The following OSMR variants were observed in gnomAD, a reference collection of about 807,000 sequenced individuals.
OSMR encodes the protein oncostatin M receptor.
A neutral mutation model predicts 99.9 loss-of-function variants in OSMR; 81 were observed. The ratio of observed to expected loss-of-function variants is 0.81; its 90% confidence interval spans 0.68 to 0.97. OSMR has a LOEUF of 0.97. Among genes scored for constraint, OSMR ranks in the 50% least tolerant of loss-of-function variants. The pLI is 0.00. For missense variants in OSMR, 1,099 were observed against 1,153.4 expected, an observed-to-expected ratio of 0.95 and a Z score of 0.68; for synonymous variants, 406 against 410.4, an observed-to-expected ratio of 0.99 and a Z score of 0.13.
chr5:38,945,275 A>G (rs1579861882), downstream of OSMR: 5 of 609,684 alleles, frequency 8.2e-6, no homozygotes, highest in East Asian at 1.4e-4. Flanking sequence ...ACAGTGGAAA[A>G]GACCTAATCC....
chr5:38,895,396 T>A (rs1201207943), intron 7 of OSMR, among the ~76,000 whole-genome samples: 1 of 152,130 alleles, frequency 6.6e-6, no homozygotes, highest in East Asian at 1.9e-4. Context: ...TCCATGATGT[T>A]GAGCACTTTT....
At chr5:38,909,951 A>C (rs1745468913) in intron 9 of OSMR, among the ~76,000 whole-genome samples, 1 of 152,242 alleles carries the variant, frequency 6.6e-6, no homozygotes, top group African/African-American at 2.4e-5. Context: ...GAAAGAAGCA[A>C]GATCCAACTG....
At position 38,931,390 on chromosome 5, in the gene OSMR, C is replaced by T. The variant is rs189012121; in HGVS notation, c.2213-493C>T. 1.2e-4 allele frequency among the ~76,000 whole-genome samples: 19 copies of T among 152,298 alleles called. No individual in the cohort carries two copies. The East Asian group carries it at 2.9e-3, about 23-fold the overall frequency. On this transcript the variant is annotated intron_variant, in intron 15 of 17. Coordinates refer to ENST00000274276, the MANE Select transcript of OSMR (RefSeq NM_003999.3). ...TGTTTCACGCATCTTCATTCTAGGG[C>T]TAAGGCTGAAGTCGCAGCAGCTACC...
chr5:38,857,395 A>T (rs1027675919), intron 1 of OSMR, among the ~76,000 whole-genome samples: 1 of 152,078 alleles, frequency 6.6e-6, no homozygotes, highest in African/African-American at 2.4e-5. Context: ...ATTTTGGAGG[A>T]TTTTTCTTTG....
intron 8 of OSMR, 50 bp downstream of exon 8, chr5:38,904,074 G>C (rs1249717553): frequency 6.2e-7 from 1 of 1,605,880 alleles, no homozygotes; most frequent in South Asian, 1.1e-5. Context: ...TTTTTGTCCT[G>C]AACAGAGACA....
chr5:38,886,060 TTG>T lies in OSMR; in HGVS notation c.863_864del (p.Cys288TyrfsTer7), dbSNP rs1423652321. ...AAAGATTTTCTGGGGAAAAGAAACTTTGTACACACAAAAACTGGTGTAATTGG... is the reference window on the plus strand; with the variant it reads ...AAAGATTTTCTGGGGAAAAGAAACTTTACACACAAAAACTGGTGTAATTGG... ...FESFSGEKKL[C>X]THKNWCNWQI... On this transcript the variant is annotated frameshift_variant, in exon 7 of 18. Coordinates refer to ENST00000274276, the MANE Select transcript of OSMR (RefSeq NM_003999.3). LOFTEE classifies it high-confidence loss of function. 3.1e-6 allele frequency: 5 copies of T among 1,613,714 alleles called. No individual in the cohort carries two copies.
chr5:38,856,461 A>G (rs550716065), intron 1 of OSMR, among the ~76,000 whole-genome samples: 38 of 152,344 alleles, frequency 2.5e-4, no homozygotes, highest in South Asian at 1.4e-3. Flanking sequence ...GCTGGAAATA[A>G]TAATCACTTT....
At chr5:38,910,914 G>A (rs779790204) in intron 9 of OSMR, among the ~76,000 whole-genome samples, 2 of 152,172 alleles carry the variant, frequency 1.3e-5, no homozygotes, top group African/African-American at 2.4e-5. Context: ...GGAGGCTGAG[G>A]CAGGAGAATT....
At chr5:38,889,388 C>G (rs1744005316) in intron 7 of OSMR, among the ~76,000 whole-genome samples, 1 of 151,850 alleles carries the variant, frequency 6.6e-6, no homozygotes, top group Non-Finnish European at 1.5e-5. Context: ...ACAATTTTTT[C>G]TCCCTTTACC....
At chr5:38,929,666 G>A (rs1746630495) in intron 15 of OSMR, among the ~76,000 whole-genome samples, 1 of 152,106 alleles carries the variant, frequency 6.6e-6, no homozygotes, top group African/African-American at 2.4e-5. Flanking sequence ...CTTCTAAAAT[G>A]AGCATATATA....
intron 1 of OSMR, among the ~76,000 whole-genome samples, chr5:38,854,200 A>C (rs1740674653): frequency 1.3e-5 from 2 of 152,212 alleles, no homozygotes; most frequent in Non-Finnish European, 2.9e-5. Context: ...TGGCATTTGC[A>C]TAAGACATCA....
intron 9 of OSMR, among the ~76,000 whole-genome samples, chr5:38,907,344 C>A (rs1745309934): frequency 6.6e-6 from 1 of 152,208 alleles, no homozygotes; most frequent in African/African-American, 2.4e-5. Flanking sequence ...GACAATTGGA[C>A]TGGCAGGAAG....
At chr5:38,848,932 C>A (rs1740125610) in intron 1 of OSMR, among the ~76,000 whole-genome samples, 1 of 144,000 alleles carries the variant, frequency 6.9e-6, no homozygotes. Flanking sequence ...TGACACCACA[C>A]CTGACTTTTT....
intron 11 of OSMR, 25 bp from the exon 12 acceptor site, chr5:38,921,590 C>T: frequency 6.2e-7 from 1 of 1,613,594 alleles, no homozygotes; most frequent in Non-Finnish European, 8.5e-7. Flanking sequence ...AAATCTGGAG[C>T]ATTGCTCTAT....
At chr5:38,916,258 T>G (rs1745891814) in intron 9 of OSMR, among the ~76,000 whole-genome samples, 1 of 152,242 alleles carries the variant, frequency 6.6e-6, no homozygotes, top group African/African-American at 2.4e-5. Context: ...TTTCCATTGC[T>G]GAGATTTTTT....
chr5:38,873,090 G>A (rs1742520137), intron 2 of OSMR, among the ~76,000 whole-genome samples: 1 of 152,230 alleles, frequency 6.6e-6, no homozygotes, highest in African/African-American at 2.4e-5. Context: ...TAAGCAGTTA[G>A]TCTTGATTCC....
At chr5:38,870,942 C>T (rs930600061) in intron 2 of OSMR, among the ~76,000 whole-genome samples, 1 of 152,180 alleles carries the variant, frequency 6.6e-6, no homozygotes, top group African/African-American at 2.4e-5. Context: ...GAGTTCCTCT[C>T]TGGAGCTTCT....
At chr5:38,920,841 A>G (rs1746194996) in intron 11 of OSMR, among the ~76,000 whole-genome samples, 1 of 152,350 alleles carries the variant, frequency 6.6e-6, no homozygotes, top group East Asian at 1.9e-4. Flanking sequence ...CCCTGAGGCC[A>G]TGTTATCCTT....
At chr5:38,916,023 A>G (rs886569653) in intron 9 of OSMR, among the ~76,000 whole-genome samples, 3 of 152,130 alleles carry the variant, frequency 2.0e-5, no homozygotes, top group Admixed American at 6.5e-5. Flanking sequence ...TCTTTTGACT[A>G]CTTCTTGTTG....
Sources: allele counts gnomAD v4.1 joint callset (sites outside exome capture counted in the v4.1 genomes callset), GRCh38; gene constraint gnomAD v4.1.1; transcripts MANE v1.5; gene names NCBI Gene and HGNC (gene_info 2026-07-23, HGNC 2026-07-21).